Variants in CFHR5 observed in about 807,000 individuals in gnomAD.
CFHR5 encodes the protein complement factor H-related protein 5.
CFHR5 carries 73 observed loss-of-function variants against 62.9 expected under a neutral mutation model. The ratio of observed to expected loss-of-function variants is 1.16; its 90% CI spans 0.96 to 1.41. The LOEUF is 1.41. CFHR5 is among the 40% of genes most tolerant of loss of function. The pLI, the probability that CFHR5 is intolerant of heterozygous loss-of-function variation, is 0.00. For synonymous variants in CFHR5, 249 were observed against 227.2 expected (o/e 1.10, Z -0.86); for missense variants, 779 against 679.9 (o/e 1.15, Z -1.62).
chr1:196,977,785 G>A (rs909346725), intron 1 of CFHR5, 63 bp downstream of exon 1: 1 of 1,152,280 alleles, frequency 8.7e-7, no homozygotes, highest in Non-Finnish European at 1.3e-6. Flanking sequence ...GATTGTGTGT[G>A]TGTATGCATA....
intron 3 of CFHR5, among the ~76,000 whole-genome samples, chr1:196,985,561 A>G (rs1353679414): frequency 2.0e-5 from 3 of 152,116 alleles, no homozygotes; most frequent in Non-Finnish European, 2.9e-5. Flanking sequence ...TTCAAAATGT[A>G]TAGGCTTCAG....
chr1:196,998,579 G>C (rs1354654536), intron 7 of CFHR5, among the ~76,000 whole-genome samples: 8 of 151,732 alleles, frequency 5.3e-5, no homozygotes, highest in African/African-American at 1.9e-4. Flanking sequence ...TGTAAAAAAA[G>C]AACAAAACTT....
At chr1:196,987,631 A>G (rs1309742714) in intron 3 of CFHR5, among the ~76,000 whole-genome samples, 1 of 152,074 alleles carries the variant, frequency 6.6e-6, no homozygotes, top group Non-Finnish European at 1.5e-5. Context: ...TCCTTTCCCC[A>G]TTTCTTGTTT....
chr1:196,984,119 C>A lies in CFHR5; in HGVS notation c.412C>A (p.Pro138Thr), dbSNP rs950506025. ...TGTAGAACGGGGCTGGTCCACTCCT[C>A]CCATATGCAGCTTCACTAGTAAGCA... ...SCVERGWSTP[P>T]ICSFTKGECH... The change falls in exon 3 of 10, where the codon CCC (proline) becomes ACC (threonine). Residue 138 changes from proline (P) to threonine (T), a missense_variant. Physicochemically the swap from Pro to Thr is conservative, Grantham distance 38 (BLOSUM62 -1). Coordinates refer to ENST00000256785, the MANE Select transcript of CFHR5 (RefSeq NM_030787.4). The A allele has an allele frequency of 6.2e-7, 1 of 1,611,662 alleles. No individual in the cohort carries two copies. The highest frequency in any genetic ancestry group is 8.5e-7 in the Non-Finnish European group (1 of 1,178,856).
At chr1:196,982,837 C>T (rs549746405) in intron 1 of CFHR5, 48 bp from the exon 2 acceptor site, 32 of 1,515,460 alleles carry the variant, frequency 2.1e-5, no homozygotes, top group Middle Eastern at 3.4e-4. Flanking sequence ...AGTGATTCAT[C>T]GATGTAGCTC....
At chr1:196,988,630 C>T (rs148115034) in intron 3 of CFHR5, among the ~76,000 whole-genome samples, 2,054 of 151,952 alleles carry the variant, frequency 0.014, 44 homozygotes, top group African/African-American at 0.045. Flanking sequence ...GAGATAATCA[C>T]GTGTTTTTGT....
intron 9 of CFHR5, among the ~76,000 whole-genome samples, chr1:197,007,552 C>A (rs1010540720): frequency 6.0e-5 from 9 of 151,020 alleles, no homozygotes; most frequent in African/African-American, 2.2e-4. Context: ...GAGAGTTAAG[C>A]ACTCTAATAT....
chr1:196,988,107 AG>A (rs1259362628), intron 3 of CFHR5, among the ~76,000 whole-genome samples: 1 of 152,084 alleles, frequency 6.6e-6, no homozygotes, highest in Non-Finnish European at 1.5e-5. Flanking sequence ...TAGGATTCCT[AG>A]GTATTTTATT....
rs1255119936 is a variant in CFHR5 at position 196,983,830 on chromosome 1, T to C, written c.254-131T>C. The C allele has an allele frequency of 2.6e-5, 16 of 618,098 alleles. No homozygotes were observed. The East Asian group carries it at 4.2e-4, about 16-fold the overall frequency. 38.3% of individuals were successfully genotyped at this position (618,098 alleles called of 1,614,324 possible). A position where few individuals can be genotyped will look rare whatever the true frequency, so the allele number is the denominator to read the frequency against. On this transcript the variant is annotated intron_variant, in intron 2 of 9. Coordinates refer to ENST00000256785, the MANE Select transcript of CFHR5 (RefSeq NM_030787.4). ...ATATTTCATCATTTATACGGTAGCA[T>C]GACCCAAATTCTTTTGAAAATATTT... is the stretch of plus-strand genomic sequence containing the variant.
intron 6 of CFHR5, among the ~76,000 whole-genome samples, chr1:196,996,827 A>C (rs1205915799): frequency 6.6e-6 from 1 of 151,972 alleles, no homozygotes; most frequent in Non-Finnish European, 1.5e-5. Flanking sequence ...TTATCTACTT[A>C]GTTTGTCGGT....
intron 6 of CFHR5, among the ~76,000 whole-genome samples, chr1:196,997,062 T>A (rs1044282902): frequency 6.6e-6 from 1 of 152,086 alleles, no homozygotes; most frequent in African/African-American, 2.4e-5. Context: ...TTTTGAACTT[T>A]AAAGACAAGC....
rs780728871 is a variant in CFHR5 at position 197,007,831 on chromosome 1, C to T, written c.1514-656C>T. On this transcript the variant is annotated intron_variant, in intron 9 of 9. Coordinates refer to ENST00000256785, the MANE Select transcript of CFHR5 (RefSeq NM_030787.4). ...AATCCATATATTATACATAATATAC[C>T]GATATATATTTATACATTAGATATA... is the stretch of plus-strand genomic sequence containing the variant. Among the ~76,000 whole-genome samples the T allele has an allele frequency of 9.0e-5, 13 of 143,912 alleles. No homozygotes were observed. In the South Asian group the frequency reaches 2.6e-3, roughly 29 times the overall value. The allele number at this position is 143,912 out of a possible 152,430, so 94.4% of individuals were successfully genotyped here. A position where few individuals can be genotyped will look rare whatever the true frequency, so the allele number is the denominator to read the frequency against.
Position 196,985,655 on chromosome 1 carries a change from G to A in CFHR5, c.430+1518G>A, listed in dbSNP as rs141457542. Among the ~76,000 whole-genome samples the A allele has an allele frequency of 7.9e-3, 1,195 of 152,204 alleles. 19 individuals are homozygous for A. The highest frequency in any genetic ancestry group is 0.026 in the African/African-American group (1,082 of 41,520). ...GCTCTCTTCATTTTGAGAGATGATGGCTATTGTCAGACCAACAATTATATT... is the reference window on the plus strand; with the variant it reads ...GCTCTCTTCATTTTGAGAGATGATGACTATTGTCAGACCAACAATTATATT... On this transcript the variant is annotated intron_variant, in intron 3 of 9. Coordinates refer to ENST00000256785, the MANE Select transcript of CFHR5 (RefSeq NM_030787.4).
At chr1:196,986,619 T>A (rs1653688946) in intron 3 of CFHR5, among the ~76,000 whole-genome samples, 1 of 151,764 alleles carries the variant, frequency 6.6e-6, no homozygotes. Context: ...ACATGCAGTG[T>A]TTGGTTTTCT....
intron 9 of CFHR5, among the ~76,000 whole-genome samples, chr1:197,005,535 T>C (rs1642397935): frequency 6.6e-6 from 1 of 152,164 alleles, no homozygotes; most frequent in African/African-American, 2.4e-5. Flanking sequence ...GAGATTCTTT[T>C]ATCGGTCATG....
rs761903714 is a variant in CFHR5, at chr1:196,996,142, T to A, written c.911T>A (p.Ile304Asn). ...AATTGCAGAAATGAATATGCAATGA[T>A]TGGAAATAACATGATTACCTGTATT... The part of the protein sequence containing the change: ...EVNCRNEYAM[I>N]GNNMITCING... The change falls in exon 6 of 10, where the codon ATT becomes AAT. Residue 304 changes from isoleucine (I) to asparagine (N), a missense_variant. By Grantham distance (149) the Ile-to-Asn change is moderately radical. Coordinates refer to ENST00000256785, the MANE Select transcript of CFHR5 (RefSeq NM_030787.4). 10 of 1,613,266 alleles carry A rather than the reference T, an allele frequency of 6.2e-6. No individual in the cohort carries two copies. The African/African-American group carries it at 1.2e-4, about 19-fold the overall frequency.
At position 196,995,815 on chromosome 1, in the gene CFHR5, G is replaced by T; in HGVS notation, c.706G>T (p.Asp236Tyr). 2 of 1,612,812 alleles carry T rather than the reference G, an allele frequency of 1.2e-6. No individual in the cohort carries two copies. The highest frequency in any genetic ancestry group is 1.7e-6 in the Non-Finnish European group (2 of 1,178,916). ...TGGACACAATGAAGTAGTGGAATATGATTGCAATCCTAATTTTATAATAAA... is the reference window on the plus strand; with the variant it reads ...TGGACACAATGAAGTAGTGGAATATTATTGCAATCCTAATTTTATAATAAA... ...EYGHNEVVEY[D>Y]CNPNFIINGP... Residue 236 changes from aspartate (D) to tyrosine (Y), a missense_variant, in exon 5 of 10, where the codon GAT (aspartate) becomes TAT (tyrosine). By Grantham distance (160) the Asp-to-Tyr change is radical. Coordinates refer to ENST00000256785, the MANE Select transcript of CFHR5 (RefSeq NM_030787.4).
chr1:196,983,868 A>C, intron 2 of CFHR5, 93 bp from the exon 3 acceptor site: 2 of 800,258 alleles, frequency 2.5e-6, no homozygotes, highest in Non-Finnish European at 4.1e-6. Context: ...ACATGATGTC[A>C]GTTTTCAAAG....
At chr1:196,990,150 G>A (rs989634844) in intron 3 of CFHR5, among the ~76,000 whole-genome samples, 1 of 151,562 alleles carries the variant, frequency 6.6e-6, no homozygotes, top group Non-Finnish European at 1.5e-5. Context: ...TTTCATCCTT[G>A]TTGGTTTAAA....
Sources: gnomAD v4.1 joint callset for allele counts (sites outside exome capture counted in the v4.1 genomes callset) on GRCh38, gnomAD v4.1.1 for gene constraint, MANE v1.5 for transcripts, NCBI Gene and HGNC (gene_info 2026-07-23, HGNC 2026-07-21) for gene names.